The following ZMYM5 variants were observed in gnomAD, a reference collection of about 807,000 sequenced individuals.
ZMYM5 encodes zinc finger MYM-type containing 5.
In ZMYM5, 41 loss-of-function variants were observed where a neutral mutation model predicts 61.8. The observed-to-expected ratio is 0.66, with a 90% confidence interval of 0.52 to 0.86. The LOEUF is 0.86. Ranked by LOEUF, ZMYM5 falls within the 40% of genes least tolerant of loss-of-function variation. The pLI is 0.00. For synonymous variants in ZMYM5, 257 were observed against 276.4 expected (o/e 0.93, Z 0.70); for missense variants, 706 against 786.7 (o/e 0.90, Z 1.23).
rs1442928913 is a variant in ZMYM5, at chr13:19,837,933, C to G, written c.873-112G>C. The G allele has an allele frequency of 3.4e-5, 42 of 1,238,794 alleles. No individual in the cohort carries two copies. The Middle Eastern group carries it at 1.1e-3, about 34-fold the overall frequency. The allele number at this position is 1,238,794 out of a possible 1,614,324, so 76.7% of individuals were successfully genotyped here. A position where few individuals can be genotyped will look rare whatever the true frequency, so the allele number is the denominator to read the frequency against. On this transcript the variant is annotated intron_variant, in intron 5 of 7. Coordinates refer to ENST00000337963, the MANE Select transcript of ZMYM5 (RefSeq NM_001142684.2). ...TTTCTTATGATTTAATACTAGAAATCAAGTATAACTTTTAGATGCAGCAAA... is the reference window on the plus strand; with the variant it reads ...TTTCTTATGATTTAATACTAGAAATGAAGTATAACTTTTAGATGCAGCAAA...
At chr13:19,843,568 G>T (rs566440544) in intron 4 of ZMYM5, 1 of 152,070 alleles carries the variant, frequency 6.6e-6, no homozygotes, top group Non-Finnish European at 1.5e-5. Flanking sequence ...ACAGTGTGGT[G>T]GCTCATGCCT....
chr13:19,836,738 A>C (rs1952685816), intron 6 of ZMYM5, among the ~76,000 whole-genome samples: 1 of 152,196 alleles, frequency 6.6e-6, no homozygotes, highest in Non-Finnish European at 1.5e-5. Context: ...GGTAGTTCTC[A>C]CTGTGGTAAC....
At chr13:19,826,610 C>A (rs1344411411) in intron 7 of ZMYM5, among the ~76,000 whole-genome samples, 1 of 150,910 alleles carries the variant, frequency 6.6e-6, no homozygotes, top group African/African-American at 2.4e-5. Flanking sequence ...CAAAAATTAG[C>A]TGGGCATGGT....
At chr13:19,834,383 C>T (rs932311720) in intron 7 of ZMYM5, among the ~76,000 whole-genome samples, 1 of 151,926 alleles carries the variant, frequency 6.6e-6, no homozygotes, top group Admixed American at 6.6e-5. Flanking sequence ...TCCTACAACT[C>T]AGTAACAAAA....
intron 1 of ZMYM5, among the ~76,000 whole-genome samples, 156 bp downstream of exon 1, chr13:19,863,294 C>A (rs527256349): frequency 6.3e-4 from 96 of 151,906 alleles, no homozygotes; most frequent in Non-Finnish European, 1.1e-3. Flanking sequence ...GCCCCTCAGG[C>A]CGGACGCAAA....
intron 4 of ZMYM5, 85 bp downstream of exon 4, chr13:19,851,270 T>C (rs1593902874): frequency 1.6e-6 from 2 of 1,229,308 alleles, no homozygotes; most frequent in East Asian, 4.8e-5. Context: ...CCACAGAATG[T>C]GAATAAAATA....
chr13:19,844,084 G>A (rs919909550), intron 4 of ZMYM5, among the ~76,000 whole-genome samples: 1 of 149,790 alleles, frequency 6.7e-6, no homozygotes, highest in African/African-American at 2.5e-5. Context: ...CTTTCAGTGA[G>A]CCGAGATCGC....
intron 7 of ZMYM5, among the ~76,000 whole-genome samples, chr13:19,826,101 C>A (rs543566770): frequency 5.5e-5 from 8 of 145,574 alleles, no homozygotes; most frequent in Admixed American, 1.4e-4. Flanking sequence ...TGTGGAGAAA[C>A]TGGAACCTCT....
In ZMYM5 at chr13:19,851,414, C is replaced by A; in HGVS notation, c.527G>T (p.Arg176Ile). 6.2e-7 allele frequency: 1 copy of A among 1,614,168 alleles called. No homozygotes were observed. The highest frequency in any genetic ancestry group is 2.2e-5 in the East Asian group (1 of 44,870). ...KTGVRPFNPG[R>I]MNVAGDLFQN... The stretch of plus-strand genomic sequence containing the variant: ...AAATAAGTCTCCTGCCACATTCATT[C>A]TACCAGGGTTAAAAGGTCTTACTCC... The change falls in exon 4 of 8, where the codon AGA becomes ATA. Residue 176 changes from arginine (R) to isoleucine (I), a missense_variant. Arg to Ile is a moderately conservative substitution (Grantham distance 97). This residue lies in a region of ZMYM5 where 480 missense variants were observed against 461.7 expected (regional missense o/e 1.04). Coordinates refer to ENST00000337963, the MANE Select transcript of ZMYM5 (RefSeq NM_001142684.2).
rs189964248 is a variant in ZMYM5, at chr13:19,840,287, T to C, written c.587-1302A>G. Among the ~76,000 whole-genome samples, 739 of 152,242 alleles carry C rather than the reference T, an allele frequency of 4.9e-3. 8 individuals are homozygous for C. Among genetic ancestry groups the C allele is most frequent in the African/African-American group, 0.017 (716 of 41,554 alleles). ...GGCTCATGCCTGTAATTCCAGCACT[T>C]TGGGACACTGGAAGCCAGTGAGTTT... On this transcript the variant is annotated intron_variant, in intron 4 of 7. Transcript: ENST00000337963.
At chr13:19,837,543 T>C (rs578085255) in intron 6 of ZMYM5, 113 bp downstream of exon 6, 90 of 1,605,040 alleles carry the variant, frequency 5.6e-5, no homozygotes, top group Non-Finnish European at 7.6e-5. Flanking sequence ...TTCAGCTTCA[T>C]GTTATACATC....
intron 7 of ZMYM5, among the ~76,000 whole-genome samples, chr13:19,834,030 G>A (rs1468354566): frequency 1.3e-5 from 2 of 152,186 alleles, no homozygotes; most frequent in Admixed American, 6.5e-5. Flanking sequence ...AGGCTGGAGC[G>A]CAATGGCGCA....
intron 7 of ZMYM5, among the ~76,000 whole-genome samples, chr13:19,832,078 G>A (rs982424319): frequency 2.0e-5 from 3 of 151,664 alleles, no homozygotes; most frequent in East Asian, 2.0e-4. Flanking sequence ...GGCTGGTCTC[G>A]AACTTCTGAC....
In ZMYM5 at chr13:19,852,086, C is replaced by T; in HGVS notation, c.95G>A (p.Gly32Glu). ...MAMATSLMDI[G>E]DSFGHPACPL... ...ACAAGCTGGATGACCAAATGAATCC[C>T]CTATGTCCATGAGACTAGTTGCCAT... The change falls in exon 3 of 8, where the codon GGG becomes GAG. Residue 32 changes from glycine to glutamate, a missense_variant. This residue lies in a region of ZMYM5 where 480 missense variants were observed against 461.7 expected (regional missense o/e 1.04). Transcript: ENST00000337963. 6.2e-7 allele frequency: 1 copy of T among 1,613,888 alleles called. No individual in the cohort carries two copies. The highest frequency in any genetic ancestry group is 8.5e-7 in the Non-Finnish European group (1 of 1,180,004).
rs556051717 is a variant in ZMYM5, at chr13:19,861,001, A to G, written c.-11+1398T>C. ...GGACCAGGCTTTTTTTTTTTTCTTAAGACAGGGTATGGCTCTGTCGCCCAG... is the reference window on the plus strand; with the variant it reads ...GGACCAGGCTTTTTTTTTTTTCTTAGGACAGGGTATGGCTCTGTCGCCCAG... On this transcript the variant is annotated intron_variant, in intron 2 of 7. Transcript: ENST00000337963. Among the ~76,000 whole-genome samples the G allele has an allele frequency of 2.9e-3, 429 of 148,678 alleles. 1 individual carries two copies. Among genetic ancestry groups the G allele is most frequent in the Non-Finnish European group, 4.7e-3 (319 of 67,522 alleles).
At chr13:19,855,723 T>A (rs1380123251) in intron 2 of ZMYM5, among the ~76,000 whole-genome samples, 1 of 151,320 alleles carries the variant, frequency 6.6e-6, no homozygotes, top group African/African-American at 2.4e-5. Context: ...GTTAAAACAC[T>A]ACTAAAGGCC....
intron 5 of ZMYM5, 91 bp downstream of exon 5, chr13:19,838,609 A>T: frequency 6.8e-7 from 1 of 1,477,564 alleles, no homozygotes; most frequent in Non-Finnish European, 9.2e-7. Flanking sequence ...AATTCTACCC[A>T]TAAATCTATC....
chr13:19,825,000 A>G lies in ZMYM5; in HGVS notation c.1487T>C (p.Ile496Thr), dbSNP rs2138468380. The G allele has an allele frequency of 7.3e-7, 1 of 1,367,486 alleles. No individual in the cohort carries two copies. The allele number at this position is 1,367,486 out of a possible 1,614,324, so 84.7% of individuals were successfully genotyped here. ...VNLPPSSTST[I>T]ADTFQEQLEE... is the part of the protein sequence containing the mutation. The stretch of plus-strand genomic sequence containing the variant: ...CAGTTGCTCTTGAAATGTATCAGCT[A>G]TGGTTGACGTGGAAGAAGGAGGTAA... The change falls in exon 8 of 8, where the codon ATA becomes ACA. Residue 496 changes from isoleucine (I) to threonine (T), a missense_variant. Physicochemically the swap from Ile to Thr is moderately conservative, Grantham distance 89. Transcript: ENST00000337963.
In ZMYM5 at chr13:19,838,733, C is replaced by A; in HGVS notation, c.839G>T (p.Arg280Leu). 1 of 1,614,038 alleles carries A rather than the reference C, an allele frequency of 6.2e-7. No homozygotes were observed. Among genetic ancestry groups the A allele is most frequent in the Non-Finnish European group, 8.5e-7 (1 of 1,180,008 alleles). Residue 280 changes from arginine (R) to leucine (L), a missense_variant, in exon 5 of 8, where the codon CGT (arginine) becomes CTT (leucine). Physicochemically the swap from Arg to Leu is moderately radical, Grantham distance 102. Transcript: ENST00000337963. ...TTCLSSFSHK[R>L]TQNTRSIICK... ...TATTATGCTTCGTGTGTTTTGAGTA[C>A]GTTTATGAGAGAAGGAAGAAAGGCA...
Sources: allele counts gnomAD v4.1 joint callset (sites outside exome capture counted in the v4.1 genomes callset), GRCh38; gene constraint gnomAD v4.1.1; regional missense constraint gnomAD v4.1.1; transcripts MANE v1.5; gene names NCBI Gene and HGNC (gene_info 2026-07-23, HGNC 2026-07-21).